Variants in BFSP1 observed in about 807,000 individuals in gnomAD.
BFSP1 encodes beaded filament structural protein 1.
Under a neutral mutation model 43.9 loss-of-function variants are expected in BFSP1, and 38 were observed. That is an observed-to-expected ratio of 0.87 (90% CI 0.67 to 1.14). The LOEUF is 1.14. Among genes scored for constraint, BFSP1 ranks in the 50% most tolerant of loss-of-function variants. The pLI is 0.00. For synonymous variants in BFSP1, 352 were observed against 354.8 expected (o/e 0.99, Z 0.09); for missense variants, 850 against 875.1 (o/e 0.97, Z 0.36).
chr20:17,566,090 C>T (rs1259556655), intron 1 of BFSP1, among the ~76,000 whole-genome samples: 2 of 136,300 alleles, frequency 1.5e-5, no homozygotes, highest in Admixed American at 1.7e-4. Context: ...TGTACTCCAG[C>T]CTGGGTGACA....
intron 1 of BFSP1, among the ~76,000 whole-genome samples, chr20:17,553,776 CAT>C (rs1204969085): frequency 2.8e-5 from 3 of 106,232 alleles, no homozygotes; most frequent in Non-Finnish European, 5.2e-5. Context: ...AATATATAAA[CAT>C]ATATATATAT....
intron 3 of BFSP1, 114 bp from the exon 4 acceptor site, chr20:17,512,182 G>A (rs1209057239): frequency 1.2e-5 from 9 of 756,842 alleles, no homozygotes; most frequent in African/African-American, 1.7e-5. Flanking sequence ...TCACAGACAG[G>A]ACAGACCATG....
In BFSP1 at chr20:17,516,938, T is replaced by C. The variant is rs187676569; in HGVS notation, c.439-2122A>G. 147 of 730,760 alleles carry C rather than the reference T, an allele frequency of 2.0e-4. No individual in the cohort carries two copies. In the African/African-American group the frequency reaches 2.4e-3, roughly 12 times the overall value. 45.3% of individuals were successfully genotyped at this position (730,760 alleles called of 1,614,324 possible). ...AAAATATAAAGGCCAAGACCCAGGA[T>C]AAGGAAAGAATTCCTCCTGATCAGT... On this transcript the variant is annotated intron_variant, in intron 2 of 7. Coordinates refer to ENST00000377873, the MANE Select transcript of BFSP1 (RefSeq NM_001195.5).
intron 5 of BFSP1, among the ~76,000 whole-genome samples, chr20:17,501,218 C>T (rs1349975690): frequency 6.6e-6 from 1 of 152,236 alleles, no homozygotes; most frequent in Non-Finnish European, 1.5e-5. Flanking sequence ...CACTTATACA[C>T]TTTATGCCCT....
intron 1 of BFSP1, among the ~76,000 whole-genome samples, chr20:17,540,799 C>T (rs1487768550): frequency 1.3e-5 from 2 of 152,180 alleles, no homozygotes; most frequent in Non-Finnish European, 2.9e-5. Context: ...TCCTGCTTCC[C>T]TTCTGCTCTG....
At chr20:17,526,738 T>C (rs542232976) in intron 1 of BFSP1, among the ~76,000 whole-genome samples, 1 of 152,248 alleles carries the variant, frequency 6.6e-6, no homozygotes, top group Non-Finnish European at 1.5e-5. Flanking sequence ...TTTGAGGAAC[T>C]GCCATACTGT....
At chr20:17,558,971 A>G, upstream of BFSP1, 1 of 361,396 alleles carries the variant, frequency 2.8e-6, no homozygotes. Flanking sequence ...TTACTAGGGG[A>G]CCACCTCTTA....
intron 1 of BFSP1, among the ~76,000 whole-genome samples, chr20:17,530,191 T>A (rs58367355): frequency 1.5e-3 from 225 of 152,216 alleles, no homozygotes; most frequent in African/African-American, 5.3e-3. Context: ...GCACTTTGAG[T>A]ATCAAGACAC....
At chr20:17,511,865 A>C in intron 4 of BFSP1, 111 bp downstream of exon 4, 4 of 781,884 alleles carry the variant, frequency 5.1e-6, no homozygotes, top group Non-Finnish European at 6.3e-6. Flanking sequence ...AGGAGTGGGG[A>C]GTGGACCCTG....
intron 1 of BFSP1, among the ~76,000 whole-genome samples, chr20:17,550,633 C>T (rs537631888): frequency 1.1e-4 from 16 of 151,820 alleles, no homozygotes; most frequent in African/African-American, 2.9e-4. Context: ...CCACCACACC[C>T]GGCTAATTTT....
intron 3 of BFSP1, among the ~76,000 whole-genome samples, chr20:17,514,166 A>G (rs1206748926): frequency 6.6e-6 from 1 of 152,206 alleles, no homozygotes; most frequent in Non-Finnish European, 1.5e-5. Context: ...GAGAGCCTGC[A>G]TTTGCATTTT....
At position 17,494,938 on chromosome 20, in the gene BFSP1, T is replaced by G. The variant is rs372521408; in HGVS notation, c.1134A>C (p.Thr378=). The change falls in exon 8 of 8, where the codon ACA becomes ACC. Residue 378 remains threonine (T), a synonymous_variant. Coordinates refer to ENST00000377873, the MANE Select transcript of BFSP1 (RefSeq NM_001195.5). ...KNVPRRKEII[T]KDKTNGALED... is the part of the protein sequence containing the mutation. ...CCAGAGCTCCGTTGGTTTTGTCTTT[T>G]GTTATAATCTCTTTTCTCCTTGGAA... 6.8e-6 allele frequency: 11 copies of G among 1,614,220 alleles called. No homozygotes were observed. The highest frequency in any genetic ancestry group is 1.6e-4 in the Middle Eastern group (1 of 6,062).
chr20:17,510,395 C>T (rs901397911), intron 4 of BFSP1, among the ~76,000 whole-genome samples: 2 of 152,154 alleles, frequency 1.3e-5, no homozygotes, highest in Admixed American at 6.5e-5. Flanking sequence ...ATAAAAGTAA[C>T]ATCTCTGGAA....
At chr20:17,546,825 A>T (rs1205928024) in intron 1 of BFSP1, among the ~76,000 whole-genome samples, 3 of 151,918 alleles carry the variant, frequency 2.0e-5, no homozygotes, top group Admixed American at 2.0e-4. Flanking sequence ...GGAGTTCGAG[A>T]CCAGCCTGGC....
intron 1 of BFSP1, among the ~76,000 whole-genome samples, chr20:17,543,176 G>A (rs2034746300): frequency 1.3e-5 from 2 of 152,152 alleles, no homozygotes; most frequent in Non-Finnish European, 2.9e-5. Flanking sequence ...ACATTTTCTA[G>A]GAACCACAAA....
chr20:17,540,443 G>A lies in BFSP1; in HGVS notation c.3-15535C>T, dbSNP rs1272253726. Among the ~76,000 whole-genome samples the A allele has an allele frequency of 1.5e-4, 23 of 152,112 alleles. 1 individual carries two copies. Among genetic ancestry groups the A allele is most frequent in the Admixed American group, 1.5e-3 (23 of 15,274 alleles). On this transcript the variant is annotated intron_variant, in intron 1 of 7. Coordinates refer to the BFSP1 transcript ENST00000377868. ...TGTATATTAATGTATGCAGGAAGAT[G>A]TCTAAAGTGGTCTTCAGTTCTACAC...
At chr20:17,520,864 G>C (rs564450938) in intron 2 of BFSP1, among the ~76,000 whole-genome samples, 1 of 152,236 alleles carries the variant, frequency 6.6e-6, no homozygotes, top group Admixed American at 6.5e-5. Flanking sequence ...AAACTCCCTG[G>C]CCTCTTGCTG....
chr20:17,526,627 A>C (rs2034431145), intron 1 of BFSP1, among the ~76,000 whole-genome samples: 1 of 152,200 alleles, frequency 6.6e-6, no homozygotes, highest in South Asian at 2.1e-4. Context: ...TGTTATGAAC[A>C]CGTATATGCA....
At chr20:17,542,055 A>C (rs2034726967) in intron 1 of BFSP1, among the ~76,000 whole-genome samples, 1 of 152,166 alleles carries the variant, frequency 6.6e-6, no homozygotes, top group South Asian at 2.1e-4. Flanking sequence ...AATCAATTTC[A>C]GGGCATTGCA....
Sources: gnomAD v4.1 joint callset for allele counts (sites outside exome capture counted in the v4.1 genomes callset) on GRCh38, gnomAD v4.1.1 for gene constraint, MANE v1.5 for transcripts, NCBI Gene and HGNC (gene_info 2026-07-23, HGNC 2026-07-21) for gene names.